Variants in RPGRIP1L observed in about 807,000 individuals in gnomAD.
RPGRIP1L encodes RPGRIP1 like.
A neutral mutation model predicts 160.4 loss-of-function variants in RPGRIP1L; 131 were observed. The ratio of observed to expected loss-of-function variants is 0.82; its 90% CI spans 0.71 to 0.94. The LOEUF (loss-of-function observed/expected upper bound fraction) is 0.94, where lower values mean the gene tolerates loss of function less well. Ranked by LOEUF, RPGRIP1L falls within the 40% of genes least tolerant of loss-of-function variation. The pLI, the probability that RPGRIP1L is intolerant of heterozygous loss-of-function variation, is 0.00. For missense variants in RPGRIP1L, 1,522 were observed against 1,535.8 expected (o/e 0.99, Z 0.15); for synonymous variants, 510 against 515.8 (o/e 0.99, Z 0.15).
At chr16:53,684,777 T>C (rs1598397985) in intron 6 of RPGRIP1L, among the ~76,000 whole-genome samples, 1 of 145,850 alleles carries the variant, frequency 6.9e-6, no homozygotes, top group African/African-American at 2.5e-5. Flanking sequence ...AAAACCTAGG[T>C]GATATCATTC....
intron 6 of RPGRIP1L, 107 bp from the exon 7 acceptor site, chr16:53,675,229 T>A: frequency 1.4e-6 from 1 of 714,500 alleles, no homozygotes; most frequent in Non-Finnish European, 2.5e-6. Flanking sequence ...ATAGAAAATA[T>A]TTATATACTT....
intron 6 of RPGRIP1L, among the ~76,000 whole-genome samples, chr16:53,676,733 A>T (rs1019659575): frequency 1.3e-5 from 2 of 152,044 alleles, no homozygotes; most frequent in Non-Finnish European, 2.9e-5. Context: ...CCTGGTTTCA[A>T]GCGATTCTCC....
chr16:53,607,138 G>A (rs1351739771), intron 25 of RPGRIP1L, among the ~76,000 whole-genome samples: 1 of 124,258 alleles, frequency 8.0e-6, no homozygotes, highest in Admixed American at 7.4e-5. Flanking sequence ...CCTTAGACAA[G>A]TTACTTTAAC....
At chr16:53,635,331 A>G (rs535103656) in intron 22 of RPGRIP1L, 1 of 152,322 alleles carries the variant, frequency 6.6e-6, no homozygotes, top group Non-Finnish European at 1.5e-5. Flanking sequence ...AATATATAAT[A>G]ATAATGATAA....
intron 23 of RPGRIP1L, among the ~76,000 whole-genome samples, chr16:53,621,919 A>T (rs1345054609): frequency 7.1e-6 from 1 of 139,968 alleles, no homozygotes; most frequent in Non-Finnish European, 1.5e-5. Context: ...GCTACTCGGG[A>T]GGCTGAGGCA....
At chr16:53,636,653 A>T (rs1965854493) in intron 21 of RPGRIP1L, 141 bp from the exon 22 acceptor site, 6 of 575,636 alleles carry the variant, frequency 1.0e-5, no homozygotes, top group Non-Finnish European at 1.8e-5. Flanking sequence ...TTTAGTAGCA[A>T]ATTTGTTTAC....
At position 53,641,419 on chromosome 16, in the gene RPGRIP1L, A is replaced by G. The variant is rs746733895; in HGVS notation, c.2740T>C (p.Leu914=). ...GGAAGGTAAGCAAATTTCCATTTCA[A>G]TATAACATGGATGGTGCCAGCAGGA... ...KHPAGTIHVI[L]KWKFAYLPPS... Residue 914 remains leucine (L), a synonymous_variant, in exon 18 of 27, where the codon TTG becomes CTG. Transcript: ENST00000647211. 1.9e-6 allele frequency: 3 copies of G among 1,613,994 alleles called. No individual in the cohort carries two copies. Among genetic ancestry groups the G allele is most frequent in the South Asian group, 2.2e-5 (2 of 91,080 alleles).
Position 53,692,327 on chromosome 16 carries a change from T to C in RPGRIP1L, c.268A>G (p.Lys90Glu), listed in dbSNP as rs754715408. The C allele has an allele frequency of 1.9e-6, 3 of 1,614,186 alleles. No individual in the cohort carries two copies. Among genetic ancestry groups the C allele is most frequent in the Non-Finnish European group, 2.5e-6 (3 of 1,180,026 alleles). ...CCGCCACCAACCCGCTCATATCTTT[T>C]CTTGTCATTAACTAGCCGTATTAAC... ...TKLIRLVNDK[K>E]RYERVGGGPK... The change falls in exon 4 of 27, where the codon AAA (lysine) becomes GAA (glutamate). Residue 90 changes from lysine to glutamate, a missense_variant. Lys to Glu is a moderately conservative substitution (Grantham distance 56, BLOSUM62 1). Coordinates refer to ENST00000647211, the MANE Select transcript of RPGRIP1L (RefSeq NM_015272.5).
chr16:53,683,691 CAAA>C (rs549418277), intron 6 of RPGRIP1L, among the ~76,000 whole-genome samples: 7 of 77,406 alleles, frequency 9.0e-5, no homozygotes, highest in Admixed American at 1.5e-4. Flanking sequence ...ACACTTAGTT[CAAA>C]AAAAAAAAAA....
At chr16:53,614,214 G>A (rs942042758) in intron 24 of RPGRIP1L, among the ~76,000 whole-genome samples, 2 of 152,084 alleles carry the variant, frequency 1.3e-5, no homozygotes, top group African/African-American at 4.8e-5. Flanking sequence ...AAATACTCCA[G>A]CTACTTACCA....
chr16:53,656,280 G>C (rs1967249832), intron 14 of RPGRIP1L, among the ~76,000 whole-genome samples, 192 bp downstream of exon 14: 1 of 151,986 alleles, frequency 6.6e-6, no homozygotes, highest in African/African-American at 2.4e-5. Flanking sequence ...GGCAACATAG[G>C]CTCTACAAAA....
chr16:53,692,614 G>GA (rs1390262604), intron 3 of RPGRIP1L, among the ~76,000 whole-genome samples: 1 of 152,158 alleles, frequency 6.6e-6, no homozygotes, highest in Non-Finnish European at 1.5e-5. Context: ...GTAAAGAGAG[G>GA]ACACATATTT....
intron 1 of RPGRIP1L, among the ~76,000 whole-genome samples, chr16:53,702,766 C>T (rs1951247295): frequency 6.6e-6 from 1 of 151,838 alleles, no homozygotes; most frequent in Admixed American, 6.6e-5. Context: ...GATCCTCCCA[C>T]CTCAGCCTCC....
At chr16:53,657,724 G>A (rs1967388032) in intron 12 of RPGRIP1L, 92 bp from the exon 13 acceptor site, 2 of 728,834 alleles carry the variant, frequency 2.7e-6, no homozygotes, top group Non-Finnish European at 4.5e-6. Flanking sequence ...ATAATTCATT[G>A]ATTGATCAAT....
chr16:53,653,467 G>C (rs8056869), intron 14 of RPGRIP1L: 4 of 415,626 alleles, frequency 9.6e-6, no homozygotes, highest in Non-Finnish European at 1.3e-5. Context: ...GTTATATACA[G>C]AGGCCAACCA....
intron 1 of RPGRIP1L, 42 bp downstream of exon 1, chr16:53,703,761 C>T: frequency 3.1e-6 from 1 of 320,224 alleles, no homozygotes; most frequent in Non-Finnish European, 6.1e-6. Flanking sequence ...GGTCAGCAAC[C>T]TCCACCCACC....
chr16:53,689,676 G>C (rs1235303555), intron 4 of RPGRIP1L, among the ~76,000 whole-genome samples: 1 of 152,138 alleles, frequency 6.6e-6, no homozygotes, highest in Non-Finnish European at 1.5e-5. Context: ...GCCATCCCAG[G>C]CTGAGATATT....
chr16:53,609,456 G>T (rs1474135773), intron 25 of RPGRIP1L, among the ~76,000 whole-genome samples: 1 of 151,986 alleles, frequency 6.6e-6, no homozygotes, highest in East Asian at 1.9e-4. Context: ...GGAAAGGCAG[G>T]TCTAACACAA....
chr16:53,654,918 GA>G (rs1967118696), intron 14 of RPGRIP1L, among the ~76,000 whole-genome samples: 1 of 152,188 alleles, frequency 6.6e-6, no homozygotes, highest in African/African-American at 2.4e-5. Flanking sequence ...GTCAGATAAA[GA>G]TATTTATTGA....
Sources: gnomAD v4.1 joint callset for allele counts (sites outside exome capture counted in the v4.1 genomes callset) on GRCh38, gnomAD v4.1.1 for gene constraint, MANE v1.5 for transcripts, NCBI Gene and HGNC (gene_info 2026-07-23, HGNC 2026-07-21) for gene names.